Variants in ME1 observed in about 807,000 individuals in gnomAD.
ME1 encodes the protein malic enzyme 1, also known as NADP-dependent malic enzyme.
In ME1, 74 loss-of-function variants were observed where a neutral mutation model predicts 66.4. The observed-to-expected ratio is 1.11, with a 90% confidence interval of 0.92 to 1.35. The LOEUF (loss-of-function observed/expected upper bound fraction) is 1.35. ME1 is among the 40% of genes most tolerant of loss of function. ME1 has a pLI of 0.00. For missense variants in ME1, 750 were observed against 694.1 expected, an observed-to-expected ratio of 1.08 and a Z score of -0.90; for synonymous variants, 251 against 235.6, an observed-to-expected ratio of 1.07 and a Z score of -0.60.
intron 9 of ME1, among the ~76,000 whole-genome samples, chr6:83,235,018 T>C (rs1365300149): frequency 6.6e-6 from 1 of 152,210 alleles, no homozygotes; most frequent in Non-Finnish European, 1.5e-5. Context: ...TTAGCTTCTA[T>C]CAAGATCTCT....
chr6:83,386,861 G>T (rs535325484), intron 3 of ME1, among the ~76,000 whole-genome samples: 6 of 152,066 alleles, frequency 3.9e-5, no homozygotes, highest in African/African-American at 1.4e-4. Flanking sequence ...CAGGAAGCTG[G>T]CAGTCTACAA....
chr6:83,372,333 A>G (rs2128547370), intron 3 of ME1, among the ~76,000 whole-genome samples: 1 of 152,306 alleles, frequency 6.6e-6, no homozygotes, highest in East Asian at 1.9e-4. Context: ...TTGGAACCCC[A>G]AGACTGACTG....
At chr6:83,426,346 A>G (rs145121944) in intron 1 of ME1, among the ~76,000 whole-genome samples, 2,097 of 152,334 alleles carry the variant, frequency 0.014, 18 homozygotes, top group Non-Finnish European at 0.019. Context: ...TTCTTATTAC[A>G]GCACACATTT....
At chr6:83,418,798 T>TA (rs1207155244) in intron 1 of ME1, among the ~76,000 whole-genome samples, 1 of 152,126 alleles carries the variant, frequency 6.6e-6, no homozygotes, top group East Asian at 1.9e-4. Flanking sequence ...CACAAATAAC[T>TA]ATAACAATTG....
chr6:83,369,216 T>C (rs1259449357), intron 3 of ME1, among the ~76,000 whole-genome samples: 2 of 152,168 alleles, frequency 1.3e-5, no homozygotes, highest in African/African-American at 4.8e-5. Flanking sequence ...ATCAAAGACC[T>C]AACTAACTGT....
At chr6:83,344,737 A>C (rs1583392264) in intron 5 of ME1, among the ~76,000 whole-genome samples, 2 of 143,186 alleles carry the variant, frequency 1.4e-5, no homozygotes, top group South Asian at 4.5e-4. Context: ...CAAAAAATTC[A>C]CCGAACATGG....
chr6:83,343,730 T>C (rs1364383307), intron 5 of ME1, among the ~76,000 whole-genome samples: 1 of 152,042 alleles, frequency 6.6e-6, no homozygotes, highest in African/African-American at 2.4e-5. Flanking sequence ...TGGATAGAAA[T>C]GTAATAACAT....
At chr6:83,252,662 T>G (rs561028093) in intron 7 of ME1, among the ~76,000 whole-genome samples, 2 of 152,266 alleles carry the variant, frequency 1.3e-5, no homozygotes, top group South Asian at 4.1e-4. Context: ...ATAAATTTGC[T>G]AATTGAATGT....
chr6:83,253,549 G>T, intron 7 of ME1, 80 bp downstream of exon 7: 1 of 745,734 alleles, frequency 1.3e-6, no homozygotes. Flanking sequence ...AGTATATATT[G>T]ATTGAATTTG....
chr6:83,393,201 GAGGACCCCCTCAA>G, intron 3 of ME1: 1 of 1,197,290 alleles, frequency 8.4e-7, no homozygotes, highest in Non-Finnish European at 1.2e-6. Flanking sequence ...GCAGGCGTCA[GAGGACCCCCTCAA>G]AGGCATCCTG....
intron 5 of ME1, among the ~76,000 whole-genome samples, chr6:83,341,889 C>T (rs1311373670): frequency 6.6e-6 from 1 of 152,062 alleles, no homozygotes; most frequent in African/African-American, 2.4e-5. Context: ...ACCAATCAGA[C>T]GTTTGCATAG....
At chr6:83,261,722 A>T (rs907237028) in intron 6 of ME1, among the ~76,000 whole-genome samples, 1 of 152,034 alleles carries the variant, frequency 6.6e-6, no homozygotes, top group Non-Finnish European at 1.5e-5. Context: ...GTGAAGTATG[A>T]AAAAGCATAG....
chr6:83,230,658 G>T (rs1363538586), intron 9 of ME1, among the ~76,000 whole-genome samples: 2 of 152,278 alleles, frequency 1.3e-5, no homozygotes, highest in South Asian at 2.1e-4. Flanking sequence ...TAGGCCAGGC[G>T]CAGTGGCTCA....
rs6942108 is a variant in ME1, at chr6:83,298,214, A to T, written c.704+17096T>A. Reference sequence around the variant, plus strand: ...AGAGTTCCTATTTCTCCACAGCCTCACCAGCATCTGTTGTTTCTTGACTTT... The same window carrying T: ...AGAGTTCCTATTTCTCCACAGCCTCTCCAGCATCTGTTGTTTCTTGACTTT... On this transcript the variant is annotated intron_variant, in intron 6 of 13. Coordinates refer to ENST00000369705, the MANE Select transcript of ME1 (RefSeq NM_002395.6). Among the ~76,000 whole-genome samples, 1,316 of 152,124 alleles carry T rather than the reference A, an allele frequency of 8.7e-3. 16 individuals are homozygous for T. The highest frequency in any genetic ancestry group is 0.03 in the African/African-American group (1,232 of 41,514).
At chr6:83,246,277 G>T (rs1358939301) in intron 7 of ME1, among the ~76,000 whole-genome samples, 2 of 152,002 alleles carry the variant, frequency 1.3e-5, no homozygotes, top group African/African-American at 4.8e-5. Flanking sequence ...TTTTTCAGTT[G>T]AAATAGTTAT....
chr6:83,285,036 A>C (rs2128533790), intron 6 of ME1, among the ~76,000 whole-genome samples: 1 of 152,308 alleles, frequency 6.6e-6, no homozygotes. Flanking sequence ...ATATCAGTGC[A>C]GGTATCTTTT....
chr6:83,362,942 C>T (rs938764843), intron 3 of ME1, among the ~76,000 whole-genome samples: 3 of 152,174 alleles, frequency 2.0e-5, no homozygotes, highest in African/African-American at 7.2e-5. Flanking sequence ...CCTGAAGCAG[C>T]TGGATTGATA....
chr6:83,412,886 C>T (rs1231109164), intron 1 of ME1, among the ~76,000 whole-genome samples: 1 of 152,118 alleles, frequency 6.6e-6, no homozygotes, highest in Admixed American at 6.6e-5. Context: ...AGTGATAGAA[C>T]CATTCCTTAT....
At chr6:83,326,807 C>A (rs1428893308) in intron 5 of ME1, among the ~76,000 whole-genome samples, 1 of 152,122 alleles carries the variant, frequency 6.6e-6, no homozygotes, top group African/African-American at 2.4e-5. Context: ...TTAGTTCAAC[C>A]ACTATGGAAG....
Sources: allele counts gnomAD v4.1 joint callset (sites outside exome capture counted in the v4.1 genomes callset), GRCh38; gene constraint gnomAD v4.1.1; transcripts MANE v1.5; gene names NCBI Gene and HGNC (gene_info 2026-07-23, HGNC 2026-07-21).